The following MECOM variants were observed in gnomAD, a reference collection of about 807,000 sequenced individuals.
The protein encoded by MECOM is MDS1 and EVI1 complex locus.
A neutral mutation model predicts 116.3 loss-of-function variants in MECOM; 13 were observed. The ratio of observed to expected loss-of-function variants is 0.11; its 90% CI spans 0.07 to 0.18. MECOM has a LOEUF of 0.18. Ranked by LOEUF, MECOM falls within the 10% of genes least tolerant of loss-of-function variation. The pLI is 1.00. For synonymous variants in MECOM, 528 were observed against 535.2 expected, an observed-to-expected ratio of 0.99 and a Z score of 0.19; for missense variants, 1,299 against 1,509.0, an observed-to-expected ratio of 0.86 and a Z score of 2.31.
At chr3:169,503,829 T>A (rs1754852877) in intron 1 of MECOM, among the ~76,000 whole-genome samples, 1 of 152,200 alleles carries the variant, frequency 6.6e-6, no homozygotes, top group Non-Finnish European at 1.5e-5. Context: ...GTATATGGTA[T>A]TTGTATTGGC....
chr3:169,523,359 A>C (rs903935375), intron 1 of MECOM, among the ~76,000 whole-genome samples: 2 of 152,088 alleles, frequency 1.3e-5, no homozygotes, highest in South Asian at 4.2e-4. Flanking sequence ...GGGAGAGAGG[A>C]TCCTCAAGAA....
chr3:169,319,723 G>A (rs1720518765), intron 2 of MECOM, among the ~76,000 whole-genome samples: 1 of 152,172 alleles, frequency 6.6e-6, no homozygotes, highest in Non-Finnish European at 1.5e-5. Context: ...GTGAGAAAGT[G>A]GGAAAGTTAT....
chr3:169,218,210 A>G (rs898034186), intron 2 of MECOM, among the ~76,000 whole-genome samples: 3 of 151,420 alleles, frequency 2.0e-5, no homozygotes, highest in African/African-American at 7.3e-5. Context: ...AAGTTACAGG[A>G]AAAAAAAAGG....
At chr3:169,121,951 C>T (rs1003023559) in intron 6 of MECOM, among the ~76,000 whole-genome samples, 3 of 151,514 alleles carry the variant, frequency 2.0e-5, no homozygotes, top group Non-Finnish European at 4.4e-5. Context: ...TAGAAAGCAA[C>T]TTTAATGACA....
At chr3:169,314,729 T>C (rs1366395809) in intron 2 of MECOM, among the ~76,000 whole-genome samples, 1 of 151,716 alleles carries the variant, frequency 6.6e-6, no homozygotes, top group African/African-American at 2.4e-5. Flanking sequence ...AAAGCAAGCA[T>C]TGGCCGCAGA....
At chr3:169,320,114 C>T (rs1055128097) in intron 2 of MECOM, among the ~76,000 whole-genome samples, 101 of 152,060 alleles carry the variant, frequency 6.6e-4, no homozygotes, top group African/African-American at 2.3e-3. Context: ...AGACGTGTGA[C>T]GATGAAGGGA....
At chr3:169,253,213 T>A (rs1351643387) in intron 2 of MECOM, among the ~76,000 whole-genome samples, 3 of 152,192 alleles carry the variant, frequency 2.0e-5, no homozygotes, top group Non-Finnish European at 4.4e-5. Flanking sequence ...GCTCACTATA[T>A]TTTTACAATA....
At chr3:169,175,784 A>G (rs1275587954) in intron 2 of MECOM, among the ~76,000 whole-genome samples, 1 of 152,176 alleles carries the variant, frequency 6.6e-6, no homozygotes. Context: ...TAGGTACTCA[A>G]TAATAATTCC....
chr3:169,126,249 C>T (rs1469142241), intron 5 of MECOM, among the ~76,000 whole-genome samples: 9 of 151,996 alleles, frequency 5.9e-5, no homozygotes. Flanking sequence ...CTTTCTCCAC[C>T]CAAGAAGTAT....
chr3:169,419,710 T>C (rs1739378106), intron 1 of MECOM, among the ~76,000 whole-genome samples: 1 of 152,142 alleles, frequency 6.6e-6, no homozygotes, highest in Non-Finnish European at 1.5e-5. Context: ...AAAGACTCCA[T>C]GACTAAAACA....
intron 1 of MECOM, among the ~76,000 whole-genome samples, chr3:169,438,640 G>A (rs899256566): frequency 6.6e-6 from 1 of 152,170 alleles, no homozygotes; most frequent in African/African-American, 2.4e-5. Flanking sequence ...AAAGCATTTG[G>A]AAGTCACGTG....
Position 169,485,937 on chromosome 3 carries a change from A to ATATATAC in MECOM, c.38-104414_38-104413insGTATATA, listed in dbSNP as rs1269969314. Among the ~76,000 whole-genome samples, 185 of 70,132 alleles carry ATATATAC rather than the reference A, an allele frequency of 2.6e-3. 7 individuals carry two copies. The highest frequency in any genetic ancestry group is 0.012 in the African/African-American group (180 of 14,678). The allele number at this position is 70,132 out of a possible 152,430, so 46.0% of individuals were successfully genotyped here. A position where few individuals can be genotyped will look rare whatever the true frequency, so the allele number is the denominator to read the frequency against. ...TATGTATATATAGTATATATAGTAT[A>ATATATAC]TATGTATGTATATATGTACATATAT... On this transcript the variant is annotated intron_variant, in intron 1 of 16. Coordinates refer to ENST00000651503, the MANE Select transcript of MECOM (RefSeq NM_004991.4).
At chr3:169,112,593 A>G (rs1429991975) in intron 9 of MECOM, among the ~76,000 whole-genome samples, 194 bp downstream of exon 9, 1 of 152,160 alleles carries the variant, frequency 6.6e-6, no homozygotes, top group Non-Finnish European at 1.5e-5. Context: ...AAATCATGTT[A>G]TTTTTACACA....
rs771377879 is a variant in MECOM at position 169,663,330 on chromosome 3, A to G, written c.37+6T>C. 2 of 1,608,198 alleles carry G rather than the reference A, an allele frequency of 1.2e-6. No homozygotes were observed. Among genetic ancestry groups the G allele is most frequent in the East Asian group, 2.2e-5 (1 of 44,716 alleles). On this transcript the variant is annotated splice_donor_region_variant and intron_variant, in intron 1 of 16. Coordinates refer to ENST00000651503, the MANE Select transcript of MECOM (RefSeq NM_004991.4). ...AAAGCCAATAGAAAAGGGATATTGC[A>G]CCTACTTGTGGCCAGTTTCCTTGCC...
chr3:169,192,919 G>GAATATGCA (rs930084587), intron 2 of MECOM, among the ~76,000 whole-genome samples: 7 of 151,924 alleles, frequency 4.6e-5, no homozygotes, highest in African/African-American at 1.7e-4. Context: ...TTGGGCTCAA[G>GAATATGCA]AATATGCAAA....
chr3:169,168,347 T>G (rs1182891255), intron 2 of MECOM, among the ~76,000 whole-genome samples: 3 of 151,526 alleles, frequency 2.0e-5, no homozygotes, highest in African/African-American at 7.3e-5. Context: ...CTTTTTTTTT[T>G]TTTTTTTTGG....
intron 2 of MECOM, among the ~76,000 whole-genome samples, chr3:169,325,557 A>C (rs1286992431): frequency 6.6e-6 from 1 of 152,206 alleles, no homozygotes; most frequent in East Asian, 1.9e-4. Flanking sequence ...TTCTTAACTT[A>C]GACACTGTTG....
chr3:169,256,460 T>C (rs1756880359), intron 2 of MECOM, among the ~76,000 whole-genome samples: 1 of 152,200 alleles, frequency 6.6e-6, no homozygotes, highest in Admixed American at 6.5e-5. Flanking sequence ...AATAATTCTG[T>C]GGGATACACT....
At chr3:169,324,194 G>T (rs992870284) in intron 2 of MECOM, among the ~76,000 whole-genome samples, 12 of 152,180 alleles carry the variant, frequency 7.9e-5, no homozygotes, top group Non-Finnish European at 1.6e-4. Flanking sequence ...GCTCACACAG[G>T]TTGCTTTGTT....
Sources: allele counts gnomAD v4.1 joint callset (sites outside exome capture counted in the v4.1 genomes callset), GRCh38; gene constraint gnomAD v4.1.1; transcripts MANE v1.5; gene names NCBI Gene and HGNC (gene_info 2026-07-23, HGNC 2026-07-21).